The following TMIGD3 variants were observed in gnomAD, a reference collection of about 807,000 sequenced individuals.
TMIGD3 encodes transmembrane and immunoglobulin domain containing 3.
TMIGD3 carries 21 observed loss-of-function variants against 28.1 expected under a neutral mutation model. That is an observed-to-expected ratio of 0.75 (90% CI 0.53 to 1.08). The LOEUF is 1.08. Among genes scored for constraint, TMIGD3 ranks in the 50% least tolerant of loss-of-function variants. TMIGD3 has a pLI of 0.00. For missense variants in TMIGD3, 416 were observed against 435.6 expected, an observed-to-expected ratio of 0.96 and a Z score of 0.40; for synonymous variants, 151 against 162.1, an observed-to-expected ratio of 0.93 and a Z score of 0.52.
At chr1:111,500,248 G>A (rs978199173) in intron 1 of TMIGD3, 3 of 1,614,152 alleles carry the variant, frequency 1.9e-6, no homozygotes, top group Non-Finnish European at 1.7e-6. Flanking sequence ...TCCATAAAAT[G>A]CACCTGTCTC....
At chr1:111,489,050 C>G (rs1336464827) in intron 2 of TMIGD3, 26 bp from the exon 3 acceptor site, 18 of 1,544,430 alleles carry the variant, frequency 1.2e-5, no homozygotes, top group Non-Finnish European at 1.5e-5. Context: ...CACACACGCA[C>G]ACGTGCACAC....
At chr1:111,527,405 C>A (rs115252452) in intron 1 of TMIGD3, among the ~76,000 whole-genome samples, 3 of 152,140 alleles carry the variant, frequency 2.0e-5, no homozygotes, top group African/African-American at 7.2e-5. Context: ...TATCTATTCA[C>A]CTACTGTAAA....
rs147739396 is a variant in TMIGD3, at chr1:111,526,950, G to A, written c.108-36188C>T. 5.1e-3 allele frequency among the ~76,000 whole-genome samples: 745 copies of A among 146,420 alleles called. 5 individuals carry two copies. Among genetic ancestry groups the A allele is most frequent in the African/African-American group, 0.017 (694 of 40,112 alleles). On this transcript the variant is annotated intron_variant, in intron 1 of 5. Transcript: ENST00000369717. ...TATATTTGGAATCATACAGTATGTA[G>A]CTTTTTTAGATAGGCTTTTTTCAGT...
At chr1:111,504,004 A>G, upstream of TMIGD3, 1 of 985,442 alleles carries the variant, frequency 1.0e-6, no homozygotes, top group Non-Finnish European at 1.2e-6. Context: ...AAGCAGAGGA[A>G]CAAAAAAGAG....
At chr1:111,557,172 A>G (rs977892977) in intron 1 of TMIGD3, among the ~76,000 whole-genome samples, 1 of 152,234 alleles carries the variant, frequency 6.6e-6, no homozygotes, top group African/African-American at 2.4e-5. Flanking sequence ...TCAACACCAC[A>G]GTGGAAGGCA....
intron 1 of TMIGD3, among the ~76,000 whole-genome samples, chr1:111,510,583 T>C (rs1284425716): frequency 1.3e-5 from 2 of 152,170 alleles, no homozygotes; most frequent in African/African-American, 4.8e-5. Context: ...GTCTCGGTAA[T>C]CACACTTGGC....
At chr1:111,497,858 G>A (rs964067028) in intron 1 of TMIGD3, among the ~76,000 whole-genome samples, 2 of 152,202 alleles carry the variant, frequency 1.3e-5, no homozygotes, top group Non-Finnish European at 2.9e-5. Flanking sequence ...AGTGTACAAC[G>A]TAGTGTATCT....
At chr1:111,559,251 T>C (rs1217588304) in intron 1 of TMIGD3, among the ~76,000 whole-genome samples, 1 of 152,082 alleles carries the variant, frequency 6.6e-6, no homozygotes, top group Non-Finnish European at 1.5e-5. Context: ...ATTAATAAGA[T>C]AATCAACTAA....
intron 1 of TMIGD3, among the ~76,000 whole-genome samples, chr1:111,532,044 T>C (rs1053331843): frequency 5.9e-5 from 9 of 152,148 alleles, no homozygotes; most frequent in Non-Finnish European, 1.3e-4. Context: ...AAAACCCTAT[T>C]AATTATGAGG....
chr1:111,530,716 G>A (rs879885421), intron 1 of TMIGD3, among the ~76,000 whole-genome samples: 5 of 152,144 alleles, frequency 3.3e-5, no homozygotes, highest in South Asian at 2.1e-4. Context: ...ATGTAATGTA[G>A]GGGTTTTTTT....
intron 1 of TMIGD3, among the ~76,000 whole-genome samples, chr1:111,530,994 C>T (rs1437029434): frequency 2.0e-5 from 3 of 152,186 alleles, no homozygotes; most frequent in African/African-American, 7.2e-5. Context: ...TTTGTCATAG[C>T]TTACTCATGC....
intron 1 of TMIGD3, among the ~76,000 whole-genome samples, chr1:111,515,894 A>C (rs1168145730): frequency 6.6e-6 from 1 of 152,228 alleles, no homozygotes; most frequent in African/African-American, 2.4e-5. Flanking sequence ...CAGCTCGCAG[A>C]GGTCAGCACA....
At chr1:111,526,481 C>T (rs910315071) in intron 1 of TMIGD3, among the ~76,000 whole-genome samples, 16 of 152,150 alleles carry the variant, frequency 1.1e-4, no homozygotes, top group East Asian at 5.8e-4. Flanking sequence ...TTCCTGAGGC[C>T]TCCCCAGCCC....
chr1:111,501,319 G>C (rs1339345061), intron 1 of TMIGD3: 3 of 152,224 alleles, frequency 2.0e-5, no homozygotes, highest in Admixed American at 1.3e-4. Context: ...GTAAGAGTAA[G>C]AGTCCCCATT....
intron 1 of TMIGD3, among the ~76,000 whole-genome samples, chr1:111,501,766 C>G (rs1187761431): frequency 6.6e-6 from 1 of 152,034 alleles, no homozygotes; most frequent in African/African-American, 2.4e-5. Context: ...GATCAGATCT[C>G]TAATCTGGGA....
chr1:111,540,181 C>A (rs1052202156), intron 1 of TMIGD3, among the ~76,000 whole-genome samples: 1 of 152,220 alleles, frequency 6.6e-6, no homozygotes, highest in African/African-American at 2.4e-5. Flanking sequence ...GACTGCTCTT[C>A]CTCATATGTT....
chr1:111,547,372 TTAATA>T (rs1657071616), intron 1 of TMIGD3, among the ~76,000 whole-genome samples: 2 of 152,256 alleles, frequency 1.3e-5, no homozygotes, highest in South Asian at 4.1e-4. Context: ...CTTTATCCTA[TTAATA>T]TTATATTGAT....
At position 111,483,764 on chromosome 1, in the gene TMIGD3, T is replaced by C. The variant is rs751337220; in HGVS notation, c.974-7A>G. ...GGCTTCAAAGTGTTGCCTACTTTGTTGGGGAATAGAAAGGGAAAATGGAGT... is the reference window on the plus strand; with the variant it reads ...GGCTTCAAAGTGTTGCCTACTTTGTCGGGGAATAGAAAGGGAAAATGGAGT... On this transcript the variant is annotated splice_polypyrimidine_tract_variant and splice_region_variant and intron_variant, in intron 5 of 5. Coordinates refer to ENST00000369716, the MANE Select transcript of TMIGD3 (RefSeq NM_020683.7). 6 of 1,612,934 alleles carry C rather than the reference T, an allele frequency of 3.7e-6. No homozygotes were observed. The highest frequency in any genetic ancestry group is 3.4e-6 in the Non-Finnish European group (4 of 1,179,070).
chr1:111,489,922 AGAG>A, intron 2 of TMIGD3, among the ~76,000 whole-genome samples: 1 of 152,276 alleles, frequency 6.6e-6, no homozygotes, highest in East Asian at 1.9e-4. Context: ...CTGACCAAGA[AGAG>A]GAGATGAGAC....
Sources: allele counts gnomAD v4.1 joint callset (sites outside exome capture counted in the v4.1 genomes callset), GRCh38; gene constraint gnomAD v4.1.1; transcripts MANE v1.5; gene names NCBI Gene and HGNC (gene_info 2026-07-23, HGNC 2026-07-21).